SH2D3C: variants seen among roughly 807,000 people sequenced by gnomAD.
SH2D3C encodes SH2 domain containing 3C, also known as SH2 domain-containing protein 3C.
Under a neutral mutation model 75.2 loss-of-function variants are expected in SH2D3C, and 25 were observed. The ratio of observed to expected loss-of-function variants is 0.33; its 90% confidence interval spans 0.24 to 0.46. The LOEUF is 0.46. Ranked by LOEUF, SH2D3C falls within the 20% of genes least tolerant of loss-of-function variation. SH2D3C has a pLI of 1.00. For missense variants in SH2D3C, 933 were observed against 1,165.3 expected, an observed-to-expected ratio of 0.80 and a Z score of 2.90; for synonymous variants, 450 against 473.7, an observed-to-expected ratio of 0.95 and a Z score of 0.65.
At position 127,747,228 on chromosome 9, in the gene SH2D3C, G is replaced by A. The variant is rs752945163; in HGVS notation, c.1183C>T (p.Leu395Phe). 1 of 1,613,884 alleles carries A rather than the reference G, an allele frequency of 6.2e-7. No homozygotes were observed. The highest frequency in any genetic ancestry group is 8.5e-7 in the Non-Finnish European group (1 of 1,179,990). Residue 395 changes from leucine to phenylalanine, a missense_variant, in exon 6 of 12, where the codon CTC (leucine) becomes TTC (phenylalanine). Leu to Phe is a conservative substitution (Grantham distance 22). Coordinates refer to ENST00000314830, the MANE Select transcript of SH2D3C (RefSeq NM_170600.3). ...RPRDSIRSCA[L>F]SMDQIPDLHS... Reference sequence around the variant, plus strand: ...AGGTCTGGGATCTGGTCCATGCTGAGGGCACAGCTGCGGATGGAGTCCCGA... The same window carrying A: ...AGGTCTGGGATCTGGTCCATGCTGAAGGCACAGCTGCGGATGGAGTCCCGA...
chr9:127,755,469 G>C (rs1011995765), intron 3 of SH2D3C, among the ~76,000 whole-genome samples: 5 of 152,224 alleles, frequency 3.3e-5, no homozygotes, highest in Admixed American at 6.5e-5. Context: ...GACCTGCCAA[G>C]GAGGGTATTA....
rs1175849190 is a variant in SH2D3C at position 127,739,686 on chromosome 9, C to T, written c.2403G>A (p.Leu801=). ...AAGATGCCACCCGCCACTCACCCTG[C>T]AGCTTGACTTCAGCATTGGTGTGGT... The part of the protein sequence containing the change: ...GLYHTNAEVK[L]QGFQARPELL... The change falls in exon 11 of 12, where the codon CTG becomes CTA. Residue 801 remains leucine, a synonymous_variant. Coordinates refer to ENST00000314830, the MANE Select transcript of SH2D3C (RefSeq NM_170600.3). This position sits in a 1 kb window ranked among gnomAD's most constrained non-coding sequence, Gnocchi z 4.3. The T allele has an allele frequency of 6.2e-7, 1 of 1,601,456 alleles. No homozygotes were observed. Among genetic ancestry groups the T allele is most frequent in the Non-Finnish European group, 8.5e-7 (1 of 1,172,144 alleles).
chr9:127,742,104 G>A, intron 8 of SH2D3C, 145 bp from the exon 9 acceptor site: 2 of 724,314 alleles, frequency 2.8e-6, no homozygotes, highest in Non-Finnish European at 2.2e-6. Flanking sequence ...ATAAGGGGGC[G>A]CGGCCAGAGC....
At chr9:127,777,763 A>T (rs911226903) in intron 1 of SH2D3C, among the ~76,000 whole-genome samples, 1 of 152,166 alleles carries the variant, frequency 6.6e-6, no homozygotes, top group Non-Finnish European at 1.5e-5. Flanking sequence ...GAACGAAGTC[A>T]GTCAGAGAGA....
At chr9:127,752,688 C>G (rs1215863080) in intron 3 of SH2D3C, among the ~76,000 whole-genome samples, 1 of 152,156 alleles carries the variant, frequency 6.6e-6, no homozygotes, top group Admixed American at 6.6e-5. Context: ...CCATGATTCC[C>G]AGTGTCAGAG....
Position 127,742,917 on chromosome 9 carries a change from T to A in SH2D3C, c.1848A>T (p.Gly616=). The A allele has an allele frequency of 1.2e-6, 2 of 1,614,016 alleles. No homozygotes were observed. Among genetic ancestry groups the A allele is most frequent in the Non-Finnish European group, 8.5e-7 (1 of 1,179,938 alleles). ...TGAGCAGTTCCATGCCCCAGCGGAC[T>A]CCCATTAGGGTCTGCATCTCCTTGG... is the stretch of plus-strand genomic sequence containing the variant. The part of the protein sequence containing the change: ...GVTKEMQTLM[G]VRWGMELLTL... Residue 616 remains glycine (G), a synonymous_variant, in exon 8 of 12, where the codon GGA becomes GGT. Transcript: ENST00000314830.
At chr9:127,740,161 C>T in intron 10 of SH2D3C, 97 bp downstream of exon 10, 1 of 1,040,156 alleles carries the variant, frequency 9.6e-7, no homozygotes, top group African/African-American at 1.6e-5. Context: ...GTAGCTTGCA[C>T]AGAGCTCAGC....
At chr9:127,767,243 C>T in intron 2 of SH2D3C, 3 of 1,471,906 alleles carry the variant, frequency 2.0e-6, no homozygotes, top group Non-Finnish European at 2.7e-6. Flanking sequence ...GATGCTGGGC[C>T]CTGACAGCTG....
chr9:127,778,608 T>G lies in SH2D3C; in HGVS notation c.20A>C (p.Lys7Thr), dbSNP rs1365414271. 1 of 1,614,022 alleles carries G rather than the reference T, an allele frequency of 6.2e-7. No individual in the cohort carries two copies. Among genetic ancestry groups the G allele is most frequent in the South Asian group, 1.1e-5 (1 of 91,084 alleles). ...ACACTCACTGAACTTTTTGCTGGTC[T>G]TCTTGGTCCCCTCTGTCATCTTGGC... Reference protein sequence around the residue: MTEGTKKTSKKFKFFKF... With the variant: MTEGTKTTSKKFKFFKF... Residue 7 changes from lysine (K) to threonine (T), a missense_variant, in exon 1 of 12, where the codon AAG (lysine) becomes ACG (threonine). Transcript: ENST00000314830.
In SH2D3C at chr9:127,738,946, G is replaced by C; in HGVS notation, c.2408-25C>G. Reference sequence around the variant, plus strand: ...CCTGCAGTGTTGGGGCATAGGGTCAGGGCAGAGGCTGGGGTTCCTGTCCAG... The same window carrying C: ...CCTGCAGTGTTGGGGCATAGGGTCACGGCAGAGGCTGGGGTTCCTGTCCAG... On this transcript the variant is annotated intron_variant, in intron 11 of 11. Transcript: ENST00000314830. This position sits in a 1 kb window ranked among gnomAD's most constrained non-coding sequence, Gnocchi z 5.0. 1 of 1,521,738 alleles carries C rather than the reference G, an allele frequency of 6.6e-7. No individual in the cohort carries two copies. Among genetic ancestry groups the C allele is most frequent in the Non-Finnish European group, 8.9e-7 (1 of 1,127,988 alleles). The allele number at this position is 1,521,738 out of a possible 1,614,324, so 94.3% of individuals were successfully genotyped here.
intron 2 of SH2D3C, among the ~76,000 whole-genome samples, chr9:127,766,334 C>T (rs1401453900): frequency 6.6e-6 from 1 of 152,248 alleles, no homozygotes. Flanking sequence ...TGCCCCTGAT[C>T]CCTGGCTCCC....
intron 6 of SH2D3C, among the ~76,000 whole-genome samples, chr9:127,746,336 C>A (rs1268933063): frequency 1.3e-5 from 2 of 152,198 alleles, no homozygotes; most frequent in East Asian, 3.8e-4. Context: ...TGGCCTGCCA[C>A]GTGGACAATA....
chr9:127,762,372 A>G (rs1382722532), intron 2 of SH2D3C: 6 of 1,281,982 alleles, frequency 4.7e-6, no homozygotes, highest in Non-Finnish European at 6.2e-6. Flanking sequence ...CTCCAACCCC[A>G]GACTTGGAAA....
At position 127,760,614 on chromosome 9, in the gene SH2D3C, G is replaced by GA. The variant is rs1010505989; in HGVS notation, c.555+996dup. Among the ~76,000 whole-genome samples the GA allele has an allele frequency of 3.8e-4, 57 of 151,044 alleles. 1 individual carries two copies. The South Asian group carries it at 0.012, about 31-fold the overall frequency. On this transcript the variant is annotated intron_variant, in intron 3 of 11. Coordinates refer to ENST00000314830, the MANE Select transcript of SH2D3C (RefSeq NM_170600.3). ...TTAAAGTATATAAAAATAAAAAAAA[G>GA]AAAAAAAAAGTAATGTGACCCAGGG...
intron 2 of SH2D3C, among the ~76,000 whole-genome samples, chr9:127,763,394 A>C (rs1032005083): frequency 6.6e-6 from 1 of 152,238 alleles, no homozygotes; most frequent in African/African-American, 2.4e-5. Flanking sequence ...TCCCCAACAC[A>C]GTGCCTGCAG....
chr9:127,777,060 C>T (rs1282982822), intron 1 of SH2D3C, among the ~76,000 whole-genome samples: 1 of 152,192 alleles, frequency 6.6e-6, no homozygotes, highest in African/African-American at 2.4e-5. Context: ...TGGGATTGGG[C>T]CCTGCTCAAT....
In SH2D3C at chr9:127,749,224, C is replaced by T. The variant is rs368780382; in HGVS notation, c.1126G>A (p.Gly376Ser). ...LTADKVTRSD[G>S]CPTSTSLPRP... is the part of the protein sequence containing the mutation. ...GCCCTGGCTGACCTGGTGGGGCAGCCATCGCTGCGGGTGACCTTGTCAGCA... is the reference window on the plus strand; with the variant it reads ...GCCCTGGCTGACCTGGTGGGGCAGCTATCGCTGCGGGTGACCTTGTCAGCA... Residue 376 changes from glycine (G) to serine (S), a missense_variant, in exon 5 of 12, where the codon GGC becomes AGC. Gly to Ser is a moderately conservative substitution (Grantham distance 56, BLOSUM62 0). Coordinates refer to ENST00000314830, the MANE Select transcript of SH2D3C (RefSeq NM_170600.3). This position sits in a 1 kb window ranked among gnomAD's most constrained non-coding sequence, Gnocchi z 5.9. 2 of 1,557,774 alleles carry T rather than the reference C, an allele frequency of 1.3e-6. No individual in the cohort carries two copies. Among genetic ancestry groups the T allele is most frequent in the Non-Finnish European group, 1.7e-6 (2 of 1,149,680 alleles).
chr9:127,764,849 A>G (rs945703818), intron 2 of SH2D3C, among the ~76,000 whole-genome samples: 7 of 152,170 alleles, frequency 4.6e-5, no homozygotes, highest in Non-Finnish European at 1.0e-4. Flanking sequence ...CTGGGATTAC[A>G]GGTGACCACC....
In SH2D3C at chr9:127,754,950, G is replaced by A. The variant is rs150141711; in HGVS notation, c.556-3650C>T. 1.1e-5 allele frequency: 6 copies of A among 528,140 alleles called. No individual in the cohort carries two copies. Among genetic ancestry groups the A allele is most frequent in the East Asian group, 1.3e-4 (2 of 15,898 alleles). The allele number at this position is 528,140 out of a possible 1,614,324, so 32.7% of individuals were successfully genotyped here. A position where few individuals can be genotyped will look rare whatever the true frequency, so the allele number is the denominator to read the frequency against. On this transcript the variant is annotated intron_variant, in intron 3 of 11. Coordinates refer to ENST00000314830, the MANE Select transcript of SH2D3C (RefSeq NM_170600.3). The surrounding 1 kb of genome is among the most constrained non-coding windows in gnomAD (Gnocchi z 4.4). ...ACCCCGCCCCCTCCCCGGGTCGGCC[G>A]GGCCCAGCCCAGCCCGACCCTGCCG...
Sources: gnomAD v4.1 joint callset for allele counts (sites outside exome capture counted in the v4.1 genomes callset) on GRCh38, gnomAD v4.1.1 for gene constraint, Gnocchi (gnomAD v3.1) non-coding constraint, MANE v1.5 for transcripts, NCBI Gene and HGNC (gene_info 2026-07-23, HGNC 2026-07-21) for gene names.